LOC400499: variants seen among roughly 807,000 people sequenced by gnomAD.
At chr16:11,406,133 T>C in the LOC400499 span, among the ~76,000 whole-genome samples, 4 of 152,348 alleles carry the variant, frequency 2.6e-5, no homozygotes, top group Non-Finnish European at 4.4e-5. Flanking sequence ...TCGAACATCA[T>C]ACCAGGCAGG....
chr16:11,451,047 T>C, the LOC400499 span, among the ~76,000 whole-genome samples: 11 of 152,144 alleles, frequency 7.2e-5, no homozygotes, highest in East Asian at 1.9e-4. Flanking sequence ...AATCGCACCA[T>C]GGAGATTTAT....
At chr16:11,427,346 C>T in the LOC400499 span, among the ~76,000 whole-genome samples, 18 of 99,842 alleles carry the variant, frequency 1.8e-4, no homozygotes, top group African/African-American at 4.4e-4. Context: ...GAAACTCCAT[C>T]TCACAAAAAA....
chr16:11,483,231 C>G, the LOC400499 span, among the ~76,000 whole-genome samples: 1 of 152,152 alleles, frequency 6.6e-6, no homozygotes, highest in African/African-American at 2.4e-5. Flanking sequence ...ATAGTACAAC[C>G]ACTTGGGAGA....
chr16:11,409,767 A>G, the LOC400499 span, among the ~76,000 whole-genome samples: 4 of 152,254 alleles, frequency 2.6e-5, no homozygotes, highest in East Asian at 5.8e-4. Flanking sequence ...TCCTTGTTAC[A>G]GGAAATAGTT....
chr16:11,400,681 T>C, the LOC400499 span, among the ~76,000 whole-genome samples: 1 of 152,170 alleles, frequency 6.6e-6, no homozygotes, highest in Admixed American at 6.5e-5. Flanking sequence ...CCTCAAGTGA[T>C]CCACTGGCCT....
the LOC400499 span, among the ~76,000 whole-genome samples, chr16:11,427,123 C>G: frequency 6.6e-6 from 1 of 151,412 alleles, no homozygotes; most frequent in Admixed American, 6.6e-5. Context: ...TTTGGGAGGC[C>G]TAGGAGGGTG....
At chr16:11,401,451 C>T in the LOC400499 span, 2 of 399,446 alleles carry the variant, frequency 5.0e-6, no homozygotes, top group Non-Finnish European at 8.8e-6. Flanking sequence ...CCCAGACAGA[C>T]TGCACCTCTT....
the LOC400499 span, among the ~76,000 whole-genome samples, chr16:11,491,272 C>A: frequency 6.6e-6 from 1 of 152,130 alleles, no homozygotes; most frequent in Non-Finnish European, 1.5e-5. Context: ...GAATTTACAT[C>A]TTTGCGTTCA....
the LOC400499 span, among the ~76,000 whole-genome samples, chr16:11,376,787 T>C: frequency 1.3e-5 from 2 of 152,180 alleles, no homozygotes; most frequent in Non-Finnish European, 2.9e-5. Flanking sequence ...TTGAGTAGTA[T>C]TGACATCTTA....
chr16:11,465,257 G>C, the LOC400499 span: 1 of 152,240 alleles, frequency 6.6e-6, no homozygotes. Flanking sequence ...CTCCCAAGAA[G>C]CTGGGACTAC....
the LOC400499 span, chr16:11,462,022 A>T: frequency 9.0e-7 from 1 of 1,113,344 alleles, no homozygotes; most frequent in Non-Finnish European, 1.2e-6. Flanking sequence ...ATATTAAGAG[A>T]AGCTGCAGTG....
the LOC400499 span, chr16:11,383,650 G>A: frequency 5.8e-4 from 717 of 1,232,270 alleles, 10 homozygotes; most frequent in East Asian, 0.021. Context: ...ACCACACTGT[G>A]GAGGAGGGGC....
At chr16:11,479,089 G>A in the LOC400499 span, among the ~76,000 whole-genome samples, 17 of 152,084 alleles carry the variant, frequency 1.1e-4, no homozygotes, top group Non-Finnish European at 2.2e-4. Context: ...GCAAGAAAAC[G>A]AACTAATACA....
At chr16:11,474,806 G>A in the LOC400499 span, among the ~76,000 whole-genome samples, 1 of 152,144 alleles carries the variant, frequency 6.6e-6, no homozygotes, top group Admixed American at 6.5e-5. Context: ...GGAGATGGAG[G>A]CTGCAGTGAG....
the LOC400499 span, among the ~76,000 whole-genome samples, chr16:11,436,941 G>A: frequency 6.6e-6 from 1 of 152,030 alleles, no homozygotes; most frequent in Non-Finnish European, 1.5e-5. Context: ...ATGAGCTGCT[G>A]AATAAAACAT....
chr16:11,388,477 G>A, the LOC400499 span, among the ~76,000 whole-genome samples: 1 of 152,170 alleles, frequency 6.6e-6, no homozygotes, highest in Non-Finnish European at 1.5e-5. Flanking sequence ...CAGATGCTCT[G>A]TGAGGCCACC....
chr16:11,478,837 G>C, the LOC400499 span, among the ~76,000 whole-genome samples: 1,780 of 152,274 alleles, frequency 0.012, 31 homozygotes, highest in African/African-American at 0.041. Flanking sequence ...TGAATCATGG[G>C]GGCGGGTCCT....
At chr16:11,429,070 AAAG>A in the LOC400499 span, among the ~76,000 whole-genome samples, 1 of 152,138 alleles carries the variant, frequency 6.6e-6, no homozygotes, top group African/African-American at 2.4e-5. Flanking sequence ...TTAAGGAAGG[AAAG>A]AAGGAGGGTG....
chr16:11,411,024 G>A, the LOC400499 span, among the ~76,000 whole-genome samples: 1 of 152,276 alleles, frequency 6.6e-6, no homozygotes, highest in South Asian at 2.1e-4. Flanking sequence ...CAAAGGGCTT[G>A]TGAGCCTGAC....
Sources: gnomAD v4.1 joint callset for allele counts (sites outside exome capture counted in the v4.1 genomes callset) on GRCh38, gnomAD v4.1.1 for gene constraint, MANE v1.5 for transcripts.